Variants in CCDC141 observed in about 807,000 individuals in gnomAD.
CCDC141 encodes coiled-coil domain containing 141.
A neutral mutation model predicts 181.0 loss-of-function variants in CCDC141; 168 were observed. The observed-to-expected ratio is 0.93, with a 90% CI of 0.82 to 1.05. The LOEUF is 1.05. Among genes scored for constraint, CCDC141 ranks in the 50% least tolerant of loss-of-function variants. The probability of loss-of-function intolerance (pLI) is 0.00; values close to 1 mark genes in which losing one functional copy is unlikely to be tolerated. For synonymous variants in CCDC141, 666 were observed against 642.3 expected (o/e 1.04, Z -0.56); for missense variants, 1,902 against 1,788.5 (o/e 1.06, Z -1.14).
At chr2:179,002,480 A>G (rs1317955340) in intron 2 of CCDC141, 2 of 412,780 alleles carry the variant, frequency 4.8e-6, no homozygotes, top group Admixed American at 2.7e-5. Flanking sequence ...GAATCCACAA[A>G]CTTTTCAATC....
chr2:178,844,716 T>TA (rs1402317441), intron 22 of CCDC141, among the ~76,000 whole-genome samples: 1 of 152,218 alleles, frequency 6.6e-6, no homozygotes, highest in Non-Finnish European at 1.5e-5. Context: ...CAAGGAAAGA[T>TA]AAATCTTTCT....
chr2:179,045,120 C>T (rs2043448843), intron 2 of CCDC141, among the ~76,000 whole-genome samples: 1 of 150,768 alleles, frequency 6.6e-6, no homozygotes, highest in South Asian at 2.1e-4. Context: ...ACTAACTCGT[C>T]ATCTAGCATT....
At chr2:178,969,544 T>C (rs1371463565) in intron 4 of CCDC141, among the ~76,000 whole-genome samples, 1 of 151,760 alleles carries the variant, frequency 6.6e-6, no homozygotes, top group Non-Finnish European at 1.5e-5. Flanking sequence ...TCTCAATAGA[T>C]GCAGAAAAGG....
At chr2:178,974,445 C>T (rs917689032) in intron 4 of CCDC141, among the ~76,000 whole-genome samples, 1 of 152,222 alleles carries the variant, frequency 6.6e-6, no homozygotes, top group Non-Finnish European at 1.5e-5. Flanking sequence ...CCCTACTCCA[C>T]TCCTGGCCCA....
chr2:178,817,037 A>G, the CCDC141 span, among the ~76,000 whole-genome samples: 3 of 152,328 alleles, frequency 2.0e-5, no homozygotes, highest in Admixed American at 2.0e-4. Context: ...TAATAGCTCT[A>G]AAAGTAGAAA....
chr2:179,015,114 TAATCATATA>T (rs2042421345), intron 2 of CCDC141, among the ~76,000 whole-genome samples: 1 of 26,272 alleles, frequency 3.8e-5, no homozygotes, highest in Non-Finnish European at 1.4e-4. Context: ...AATATATATA[TAATCATATA>T]TATATATCAT....
At chr2:178,845,447 G>T (rs1684893589) in intron 22 of CCDC141, among the ~76,000 whole-genome samples, 179 bp downstream of exon 22, 1 of 152,152 alleles carries the variant, frequency 6.6e-6, no homozygotes, top group East Asian at 1.9e-4. Flanking sequence ...ACAGAGAGAA[G>T]AAGCACCAAT....
intron 8 of CCDC141, among the ~76,000 whole-genome samples, chr2:178,893,825 A>ACACACACACACG (rs1553479622): frequency 9.6e-6 from 1 of 104,236 alleles, no homozygotes; most frequent in Non-Finnish European, 1.9e-5. Flanking sequence ...ACACACACGC[A>ACACACACACACG]CACACACACA....
rs200103298 is a variant in CCDC141 at position 179,015,286 on chromosome 2, C to T, written c.225+31998G>A. On this transcript the variant is annotated intron_variant, in intron 2 of 23. Coordinates refer to ENST00000443758, the MANE Select transcript of CCDC141 (RefSeq NM_173648.4). ...TATCATATATATCTCATCTATCTCTCATATATCTCATATATGTATCATACA... is the reference window on the plus strand; with the variant it reads ...TATCATATATATCTCATCTATCTCTTATATATCTCATATATGTATCATACA... 1.5e-3 allele frequency among the ~76,000 whole-genome samples: 187 copies of T among 120,856 alleles called. 6 individuals carry two copies. The highest frequency in any genetic ancestry group is 5.4e-3 in the African/African-American group (166 of 30,842). 79.3% of individuals were successfully genotyped at this position (120,856 alleles called of 152,430 possible).
At chr2:178,940,769 A>T (rs1243155024) in intron 6 of CCDC141, among the ~76,000 whole-genome samples, 1 of 152,156 alleles carries the variant, frequency 6.6e-6, no homozygotes, top group Non-Finnish European at 1.5e-5. Flanking sequence ...TGTGCTGGGA[A>T]TACCAAGGTA....
chr2:178,815,750 T>G, the CCDC141 span, among the ~76,000 whole-genome samples: 1 of 152,256 alleles, frequency 6.6e-6, no homozygotes, highest in African/African-American at 2.4e-5. Flanking sequence ...ATGTAAGTGC[T>G]ATGTAAATAG....
chr2:178,936,993 G>A (rs111814541), intron 6 of CCDC141, among the ~76,000 whole-genome samples: 187 of 152,180 alleles, frequency 1.2e-3, no homozygotes, highest in African/African-American at 4.1e-3. Flanking sequence ...GCTTTTGACC[G>A]AGACTATGGG....
intron 7 of CCDC141, among the ~76,000 whole-genome samples, chr2:178,917,818 C>T (rs2154374460): frequency 6.6e-6 from 1 of 152,286 alleles, no homozygotes. Context: ...AACTCAAGAC[C>T]TGGAGATGGT....
intron 2 of CCDC141, among the ~76,000 whole-genome samples, chr2:178,991,981 C>T (rs1270043253): frequency 6.6e-6 from 1 of 152,000 alleles, no homozygotes; most frequent in Non-Finnish European, 1.5e-5. Context: ...ATCTTATCAT[C>T]ATCTGCCTCA....
chr2:179,049,808 G>T (rs2043619896), intron 1 of CCDC141, 32 bp downstream of exon 1: 3 of 1,550,080 alleles, frequency 1.9e-6, no homozygotes, highest in Non-Finnish European at 2.6e-6. Context: ...GAAGCCCACA[G>T]CCGCACAGAA....
At chr2:178,915,327 ATATT>A (rs1280600348) in intron 7 of CCDC141, among the ~76,000 whole-genome samples, 2 of 152,226 alleles carry the variant, frequency 1.3e-5, no homozygotes, top group Admixed American at 1.3e-4. Context: ...ATAAAATTGG[ATATT>A]TATTCTTTTT....
chr2:178,846,746 C>A (rs1009926823), intron 21 of CCDC141, among the ~76,000 whole-genome samples: 5 of 152,222 alleles, frequency 3.3e-5, no homozygotes. Context: ...GTAAAGCACT[C>A]TTACCCTCTT....
chr2:178,865,661 GT>G, intron 17 of CCDC141, 105 bp downstream of exon 17: 1 of 1,039,942 alleles, frequency 9.6e-7, no homozygotes, highest in Admixed American at 3.1e-5. Context: ...TTCATTGTGT[GT>G]TTGCATGTGT....
chr2:178,854,748 A>C (rs1434155971), intron 19 of CCDC141, among the ~76,000 whole-genome samples: 3 of 152,200 alleles, frequency 2.0e-5, no homozygotes, highest in African/African-American at 7.2e-5. Flanking sequence ...TTAGTGGTAA[A>C]GACGTTCTGT....
Sources: gnomAD v4.1 joint callset for allele counts (sites outside exome capture counted in the v4.1 genomes callset) on GRCh38, gnomAD v4.1.1 for gene constraint, MANE v1.5 for transcripts, NCBI Gene and HGNC (gene_info 2026-07-23, HGNC 2026-07-21) for gene names.